The following FAM153A variants were observed in gnomAD, a reference collection of about 807,000 sequenced individuals.
FAM153A encodes the protein family with sequence similarity 153 member A.
A neutral mutation model predicts 48.1 loss-of-function variants in FAM153A; 12 were observed. The observed-to-expected ratio is 0.25, with a 90% CI of 0.16 to 0.40. FAM153A has a LOEUF of 0.40. Ranked by LOEUF, FAM153A falls within the 10% of genes least tolerant of loss-of-function variation. The probability of loss-of-function intolerance (pLI) is 1.00; values close to 1 mark genes in which losing one functional copy is unlikely to be tolerated. For missense variants in FAM153A, 111 were observed against 345.8 expected, an observed-to-expected ratio of 0.32 and a Z score of 5.38; for synonymous variants, 36 against 118.2, an observed-to-expected ratio of 0.30 and a Z score of 4.51.
At chr5:177,696,153 G>A in the FAM153A span, among the ~76,000 whole-genome samples, 4 of 123,464 alleles carry the variant, frequency 3.2e-5, no homozygotes, top group African/African-American at 6.4e-5. Context: ...ACGGGGTGGC[G>A]GCTGGGCAGA....
chr5:177,709,668 T>G (rs559939803), downstream of FAM153A, among the ~76,000 whole-genome samples: 436 of 123,894 alleles, frequency 3.5e-3, 5 homozygotes, highest in Admixed American at 5.6e-3. Context: ...GCTGGGTTTT[T>G]TTTTTGTTTT....
chr5:177,718,974 AG>A (rs1760491691), downstream of FAM153A, among the ~76,000 whole-genome samples: 1 of 151,448 alleles, frequency 6.6e-6, no homozygotes, highest in Admixed American at 6.6e-5. Flanking sequence ...TTCACCTCCC[AG>A]ATTCAAGCCA....
chr5:177,738,174 A>G (rs1216404605), intron 10 of FAM153A, among the ~76,000 whole-genome samples: 1 of 151,246 alleles, frequency 6.6e-6, no homozygotes, highest in Non-Finnish European at 1.5e-5. Flanking sequence ...ATAACACCCA[A>G]GTTTTTCCTT....
At chr5:177,697,331 C>A in the FAM153A span, among the ~76,000 whole-genome samples, 1 of 151,714 alleles carries the variant, frequency 6.6e-6, no homozygotes, top group Non-Finnish European at 1.5e-5. Context: ...TTACGTATAT[C>A]CTACTGTTTG....
downstream of FAM153A, among the ~76,000 whole-genome samples, chr5:177,709,239 T>C (rs1476803535): frequency 6.8e-6 from 1 of 146,494 alleles, no homozygotes; most frequent in African/African-American, 2.5e-5. Flanking sequence ...AAAAAACACT[T>C]TGAAGACAAA....
the FAM153A span, among the ~76,000 whole-genome samples, chr5:177,702,721 T>C: frequency 6.6e-6 from 1 of 151,900 alleles, no homozygotes; most frequent in Non-Finnish European, 1.5e-5. Flanking sequence ...CATCTCAGCC[T>C]AGCCATGGCT....
intron 24 of FAM153A, chr5:177,717,155 A>G (rs897130854): frequency 2.8e-5 from 4 of 142,390 alleles, no homozygotes; most frequent in African/African-American, 1.1e-4. Context: ...TTCTATTTCT[A>G]TACTTACTAG....
downstream of FAM153A, among the ~76,000 whole-genome samples, chr5:177,705,896 G>A (rs1363715388): frequency 1.3e-5 from 2 of 151,492 alleles, no homozygotes; most frequent in Non-Finnish European, 2.9e-5. Context: ...CTGACCTCGT[G>A]ATCTGCCCGC....
intron 4 of FAM153A, among the ~76,000 whole-genome samples, chr5:177,745,870 A>G (rs1326399861): frequency 2.6e-5 from 4 of 151,888 alleles, no homozygotes; most frequent in East Asian, 1.9e-4. Flanking sequence ...TACATTAATG[A>G]TCACACTAAA....
At chr5:177,700,455 A>G in the FAM153A span, among the ~76,000 whole-genome samples, 2,548 of 152,026 alleles carry the variant, frequency 0.017, 42 homozygotes, top group Non-Finnish European at 0.024. Flanking sequence ...CAAAAAAACT[A>G]TGAGAGCTAA....
downstream of FAM153A, among the ~76,000 whole-genome samples, chr5:177,709,554 G>C (rs1196325938): frequency 6.7e-6 from 1 of 149,100 alleles, no homozygotes; most frequent in Non-Finnish European, 1.5e-5. Flanking sequence ...GAAGAGATGG[G>C]GTTTCACCAT....
chr5:177,781,611 A>T (rs1347833214), upstream of FAM153A: 5 of 51,668 alleles, frequency 9.7e-5, 1 homozygote, highest in South Asian at 1.3e-3. Flanking sequence ...TCCTTCTAAG[A>T]ACCTTCAGTA....
chr5:177,714,253 C>T (rs1759133426), intron 25 of FAM153A: 1 of 150,976 alleles, frequency 6.6e-6, no homozygotes, highest in Non-Finnish European at 1.5e-5. Context: ...ATATCATTGC[C>T]ACTTCTAGCC....
rs1289838807 is a variant in FAM153A at position 177,769,801 on chromosome 5, C to T, written c.-57+10648G>A. On this transcript the variant is annotated intron_variant, in intron 1 of 8. Transcript: ENST00000393518. ...GAAAGAACCACTGGAAAGATCACTCCTTTAAGAGCTTATCCACTCGGAACC... is the reference window on the plus strand; with the variant it reads ...GAAAGAACCACTGGAAAGATCACTCTTTTAAGAGCTTATCCACTCGGAACC... 3.1e-4 allele frequency among the ~76,000 whole-genome samples: 30 copies of T among 96,946 alleles called. 9 individuals are homozygous for T. The highest frequency in any genetic ancestry group is 3.0e-3 in the Admixed American group (28 of 9,346). The allele number at this position is 96,946 out of a possible 152,430, so 63.6% of individuals were successfully genotyped here.
chr5:177,707,436 T>TG (rs1757966213), downstream of FAM153A, among the ~76,000 whole-genome samples: 2 of 151,818 alleles, frequency 1.3e-5, no homozygotes, highest in Admixed American at 6.6e-5. Flanking sequence ...AAACATTTCT[T>TG]GGAAAAAAAA....
At chr5:177,746,061 C>T (rs1765936448) in intron 4 of FAM153A, among the ~76,000 whole-genome samples, 1 of 151,278 alleles carries the variant, frequency 6.6e-6, no homozygotes, top group African/African-American at 2.5e-5. Flanking sequence ...AGTGTAGTAG[C>T]CCATGGCATT....
intron 25 of FAM153A, among the ~76,000 whole-genome samples, chr5:177,715,832 CAGCT>C (rs1175196565): frequency 6.6e-6 from 1 of 151,614 alleles, no homozygotes; most frequent in Non-Finnish European, 1.5e-5. Context: ...GCCTCCTGCG[CAGCT>C]AATTTTTAAA....
the FAM153A span, among the ~76,000 whole-genome samples, chr5:177,696,201 G>T: frequency 7.1e-6 from 1 of 139,924 alleles, no homozygotes; most frequent in Non-Finnish European, 1.5e-5. Context: ...GCCGGGCAGA[G>T]GCGCTCCTCA....
chr5:177,758,754 G>T (rs1056686858), intron 1 of FAM153A, among the ~76,000 whole-genome samples: 10 of 148,654 alleles, frequency 6.7e-5, no homozygotes, highest in Admixed American at 6.7e-4. Flanking sequence ...AAATGGTGCT[G>T]GGAAAACTGG....
Sources: allele counts gnomAD v4.1 joint callset (sites outside exome capture counted in the v4.1 genomes callset), GRCh38; gene constraint gnomAD v4.1.1; transcripts MANE v1.5; gene names NCBI Gene and HGNC (gene_info 2026-07-23, HGNC 2026-07-21).